The following BNC2 variants were observed in gnomAD, a reference collection of about 807,000 sequenced individuals.
The protein encoded by BNC2 is zinc finger protein basonuclin-2.
A neutral mutation model predicts 76.3 loss-of-function variants in BNC2; 20 were observed. The observed-to-expected ratio is 0.26, with a 90% CI of 0.18 to 0.38. The LOEUF is 0.38. Among genes scored for constraint, BNC2 ranks in the 10% least tolerant of loss-of-function variants. BNC2 has a pLI of 1.00. For missense variants in BNC2, 1,382 were observed against 1,399.8 expected (o/e 0.99, Z 0.20); for synonymous variants, 582 against 514.8 (o/e 1.13, Z -1.77).
At chr9:16,536,882 C>G (rs1402230401) in intron 5 of BNC2, among the ~76,000 whole-genome samples, 1 of 152,120 alleles carries the variant, frequency 6.6e-6, no homozygotes, top group Non-Finnish European at 1.5e-5. Context: ...GTTTGTTTTA[C>G]TCATGAACTG....
rs529818759 is a variant in BNC2 at position 16,726,418 on chromosome 9, T to C, written c.330+1379A>G. Among the ~76,000 whole-genome samples the C allele has an allele frequency of 2.2e-4, 34 of 152,310 alleles. No homozygotes were observed. In the South Asian group the frequency reaches 6.4e-3, roughly 29 times the overall value. ...GCTAAATGCTACAAAACCCTGGTTG[T>C]AGGTATTATCGCTTGCAAATGTATT... is the stretch of plus-strand genomic sequence containing the variant. On this transcript the variant is annotated intron_variant, in intron 3 of 6. Transcript: ENST00000380672.
chr9:16,424,275 A>AAAAAAC (rs1820763090), intron 6 of BNC2, among the ~76,000 whole-genome samples: 1 of 152,042 alleles, frequency 6.6e-6, no homozygotes, highest in Non-Finnish European at 1.5e-5. Context: ...AGAAAAAAAA[A>AAAAAAC]AAAAACAAGT....
chr9:16,758,286 G>A (rs1825446818), intron 1 of BNC2, among the ~76,000 whole-genome samples: 2 of 152,030 alleles, frequency 1.3e-5, no homozygotes, highest in African/African-American at 4.8e-5. Context: ...AGAAAATCCA[G>A]GAATATCTCC....
chr9:16,590,394 T>C (rs192183216), intron 3 of BNC2, among the ~76,000 whole-genome samples: 8 of 152,116 alleles, frequency 5.3e-5, no homozygotes, highest in Admixed American at 5.2e-4. Flanking sequence ...GGTTTCACCA[T>C]GTTGGCCAGG....
chr9:16,710,579 T>C (rs1823808332), intron 3 of BNC2, among the ~76,000 whole-genome samples: 1 of 152,204 alleles, frequency 6.6e-6, no homozygotes. Flanking sequence ...GGGAATTATA[T>C]ATATGCATGT....
chr9:16,567,478 T>A (rs2132779739), intron 4 of BNC2, among the ~76,000 whole-genome samples: 1 of 152,300 alleles, frequency 6.6e-6, no homozygotes, highest in Non-Finnish European at 1.5e-5. Flanking sequence ...AATTTTTTAT[T>A]TCTATTTTAA....
chr9:16,666,831 C>T (rs1376730118), intron 3 of BNC2, among the ~76,000 whole-genome samples: 1 of 152,124 alleles, frequency 6.6e-6, no homozygotes, highest in South Asian at 2.1e-4. Flanking sequence ...TGAGGAAGTG[C>T]TAATTCACTT....
At chr9:16,540,446 T>C (rs1468293530) in intron 5 of BNC2, among the ~76,000 whole-genome samples, 1 of 152,166 alleles carries the variant, frequency 6.6e-6, no homozygotes, top group Non-Finnish European at 1.5e-5. Context: ...TCAATACGCA[T>C]ATTACAATGG....
At chr9:16,722,744 T>G (rs974287538) in intron 3 of BNC2, among the ~76,000 whole-genome samples, 1 of 152,230 alleles carries the variant, frequency 6.6e-6, no homozygotes, top group Non-Finnish European at 1.5e-5. Context: ...AGAATATGTT[T>G]GTGCATGCTT....
intron 3 of BNC2, among the ~76,000 whole-genome samples, chr9:16,669,391 A>G (rs1822406060): frequency 6.6e-6 from 1 of 152,210 alleles, no homozygotes; most frequent in South Asian, 2.1e-4. Context: ...TAATCCAACT[A>G]TCCAACTCCC....
intron 3 of BNC2, among the ~76,000 whole-genome samples, chr9:16,722,957 A>T (rs1824203274): frequency 6.6e-6 from 1 of 152,204 alleles, no homozygotes; most frequent in East Asian, 1.9e-4. Flanking sequence ...TTCCTACTTT[A>T]GTGTTACATT....
chr9:16,421,555 T>C (rs866728069), intron 6 of BNC2, among the ~76,000 whole-genome samples: 1 of 152,190 alleles, frequency 6.6e-6, no homozygotes. Context: ...ATTCACAGCA[T>C]CATCATCCAC....
intron 2 of BNC2, among the ~76,000 whole-genome samples, chr9:16,729,898 A>G (rs1482338943): frequency 6.6e-6 from 1 of 152,102 alleles, no homozygotes; most frequent in African/African-American, 2.4e-5. Context: ...GACACTGTCA[A>G]TAGCAAGCTT....
chr9:16,602,086 G>A (rs1296709477), intron 3 of BNC2, among the ~76,000 whole-genome samples: 2 of 152,104 alleles, frequency 1.3e-5, no homozygotes, highest in Admixed American at 1.3e-4. Flanking sequence ...TAACCCCCTT[G>A]CAGGAACTAA....
At chr9:16,828,403 C>T (rs546080156) in intron 1 of BNC2, among the ~76,000 whole-genome samples, 3 of 152,066 alleles carry the variant, frequency 2.0e-5, no homozygotes, top group Admixed American at 6.6e-5. Context: ...AAGCATAAAC[C>T]CTTCCCATGA....
intron 4 of BNC2, among the ~76,000 whole-genome samples, chr9:16,558,878 G>A (rs942313096): frequency 1.3e-5 from 2 of 149,860 alleles, no homozygotes; most frequent in African/African-American, 5.0e-5. Context: ...AGGTTGCAGT[G>A]AGCTGAGATT....
At chr9:16,607,994 G>T (rs772436927) in intron 3 of BNC2, among the ~76,000 whole-genome samples, 1 of 152,070 alleles carries the variant, frequency 6.6e-6, no homozygotes, top group Non-Finnish European at 1.5e-5. Flanking sequence ...CATGGTACAA[G>T]CATCAGTCAC....
At chr9:16,859,844 G>A (rs1045198618) in intron 1 of BNC2, among the ~76,000 whole-genome samples, 9 of 152,262 alleles carry the variant, frequency 5.9e-5, no homozygotes, top group African/African-American at 2.2e-4. Context: ...ACATGGGCCA[G>A]GCACGGCGGC....
intron 5 of BNC2, among the ~76,000 whole-genome samples, chr9:16,548,152 AT>A (rs1818546194): frequency 6.6e-6 from 1 of 152,198 alleles, no homozygotes; most frequent in African/African-American, 2.4e-5. Context: ...AAATGAGAAG[AT>A]TTCCACAGAC....
Sources: allele counts gnomAD v4.1 joint callset (sites outside exome capture counted in the v4.1 genomes callset), GRCh38; gene constraint gnomAD v4.1.1; transcripts MANE v1.5; gene names NCBI Gene and HGNC (gene_info 2026-07-23, HGNC 2026-07-21).